The following IMMT variants were observed in gnomAD, a reference collection of about 807,000 sequenced individuals.
IMMT encodes the protein MICOS complex subunit MIC60.
Under a neutral mutation model 92.7 loss-of-function variants are expected in IMMT, and 40 were observed. The ratio of observed to expected loss-of-function variants is 0.43; its 90% CI spans 0.34 to 0.56. The LOEUF is 0.56. Among genes scored for constraint, IMMT ranks in the 20% least tolerant of loss-of-function variants. The pLI is 0.03. For synonymous variants in IMMT, 322 were observed against 336.1 expected, an observed-to-expected ratio of 0.96 and a Z score of 0.46; for missense variants, 831 against 912.1, an observed-to-expected ratio of 0.91 and a Z score of 1.14.
chr2:86,167,198 G>GTC (rs1201941944), intron 6 of IMMT, among the ~76,000 whole-genome samples: 2 of 132,432 alleles, frequency 1.5e-5, no homozygotes, highest in African/African-American at 5.7e-5. Context: ...TTGAGACAGA[G>GTC]TCTCGCTCTG....
chr2:86,192,270 T>C (rs1673182437), intron 1 of IMMT, among the ~76,000 whole-genome samples: 1 of 152,110 alleles, frequency 6.6e-6, no homozygotes, highest in African/African-American at 2.4e-5. Flanking sequence ...TCTGTTTCTC[T>C]GGAGAATCTG....
intron 12 of IMMT, 121 bp downstream of exon 12, chr2:86,151,176 C>G (rs1675445498): frequency 4.7e-6 from 4 of 856,496 alleles, no homozygotes; most frequent in Non-Finnish European, 3.7e-6. Flanking sequence ...CCTTGGCCTC[C>G]CAAAGTGCCG....
At chr2:86,162,713 G>A (rs1445990155) in intron 7 of IMMT, among the ~76,000 whole-genome samples, 2 of 152,014 alleles carry the variant, frequency 1.3e-5, no homozygotes, top group Non-Finnish European at 1.5e-5. Context: ...GCGTGGTGGC[G>A]GGTGCCTGTA....
intron 3 of IMMT, among the ~76,000 whole-genome samples, chr2:86,178,034 G>A (rs934924931): frequency 8.5e-5 from 13 of 152,208 alleles, no homozygotes; most frequent in East Asian, 7.7e-4. Flanking sequence ...GGAAACTGGC[G>A]GCCAGGAGCG....
chr2:86,178,064 C>T (rs1376620990), intron 3 of IMMT, among the ~76,000 whole-genome samples: 2 of 152,056 alleles, frequency 1.3e-5, no homozygotes, highest in African/African-American at 2.4e-5. Flanking sequence ...GCCTGTAATC[C>T]CAGCACTTTG....
intron 6 of IMMT, among the ~76,000 whole-genome samples, chr2:86,169,637 AATT>A (rs1157981605): frequency 6.6e-6 from 1 of 152,182 alleles, no homozygotes; most frequent in Non-Finnish European, 1.5e-5. Flanking sequence ...CAGTACAAAA[AATT>A]ATGTTACATG....
At chr2:86,151,115 G>A (rs1311398861) in intron 12 of IMMT, among the ~76,000 whole-genome samples, 182 bp downstream of exon 12, 1 of 151,906 alleles carries the variant, frequency 6.6e-6, no homozygotes, top group African/African-American at 2.4e-5. Flanking sequence ...CGGGGGTTTC[G>A]CCATATTGGC....
chr2:86,152,884 T>C (rs531779272), intron 11 of IMMT, among the ~76,000 whole-genome samples: 2 of 152,322 alleles, frequency 1.3e-5, no homozygotes, highest in African/African-American at 4.8e-5. Context: ...CTCAATTTCT[T>C]AATAAATACA....
At chr2:86,153,895 C>T (rs1404105387) in intron 10 of IMMT, among the ~76,000 whole-genome samples, 1 of 152,106 alleles carries the variant, frequency 6.6e-6, no homozygotes, top group Non-Finnish European at 1.5e-5. Flanking sequence ...CAGAGCCTTC[C>T]TCTGTTGCCT....
rs148309442 is a variant in IMMT at position 86,186,651 on chromosome 2, C to T, written c.46-5279G>A. Among the ~76,000 whole-genome samples the T allele has an allele frequency of 8.7e-4, 132 of 152,266 alleles. 1 individual carries two copies. The East Asian group carries it at 8.7e-3, about 10-fold the overall frequency. On this transcript the variant is annotated intron_variant, in intron 1 of 14. Coordinates refer to ENST00000410111, the MANE Select transcript of IMMT (RefSeq NM_006839.3). ...GTCCCTGCTGAGGTGTCAGCTGCAG[C>T]CAGTATTTACTGCCACACATGAGAG...
At chr2:86,171,824 A>C (rs1677104616) in intron 4 of IMMT, among the ~76,000 whole-genome samples, 1 of 150,916 alleles carries the variant, frequency 6.6e-6, no homozygotes, top group Non-Finnish European at 1.5e-5. Context: ...CACAGTGATC[A>C]AGAACAGAAC....
intron 12 of IMMT, among the ~76,000 whole-genome samples, chr2:86,149,963 G>A (rs546655384): frequency 6.6e-6 from 1 of 152,232 alleles, no homozygotes; most frequent in East Asian, 1.9e-4. Flanking sequence ...GGTAGTAATG[G>A]AGTGGACAGA....
rs1198061712 is a variant in IMMT at position 86,181,362 on chromosome 2, C to T, written c.56G>A (p.Cys19Tyr). The change falls in exon 2 of 15, where the codon TGT (cysteine) becomes TAT (tyrosine). Residue 19 changes from cysteine (C) to tyrosine (Y), a missense_variant. Cys to Tyr is a radical substitution (Grantham distance 194). Coordinates refer to ENST00000410111, the MANE Select transcript of IMMT (RefSeq NM_006839.3). Reference protein sequence around the residue: ...GVTAAAQSCLCGKFVLRPLRP... With the variant: ...GVTAAAQSCLYGKFVLRPLRP... ...CAATGGACGGAGGACAAACTTCCCA[C>T]AGAGACAACTCTAAAGAAGGAAAAC... 1.2e-6 allele frequency: 2 copies of T among 1,613,352 alleles called. No homozygotes were observed. Among genetic ancestry groups the T allele is most frequent in the South Asian group, 2.2e-5 (2 of 91,020 alleles).
At chr2:86,170,223 T>C (rs1676985886) in intron 6 of IMMT, among the ~76,000 whole-genome samples, 1 of 152,214 alleles carries the variant, frequency 6.6e-6, no homozygotes, top group Non-Finnish European at 1.5e-5. Flanking sequence ...GAGACCAGTC[T>C]AGGCAACATA....
At chr2:86,152,501 C>T (rs1369064452) in intron 11 of IMMT, among the ~76,000 whole-genome samples, 1 of 149,436 alleles carries the variant, frequency 6.7e-6, no homozygotes, top group Non-Finnish European at 1.5e-5. Context: ...TAGCTGATGC[C>T]AATAATCCCA....
intron 1 of IMMT, among the ~76,000 whole-genome samples, chr2:86,194,285 T>G (rs28617344): frequency 0.043 from 6,507 of 152,296 alleles, 490 homozygotes; most frequent in African/African-American, 0.15. Context: ...GTGCCCAGAC[T>G]TCTATCCTAC....
chr2:86,166,415 T>G, intron 7 of IMMT, 93 bp downstream of exon 7: 1 of 1,105,376 alleles, frequency 9.0e-7, no homozygotes, highest in South Asian at 1.7e-5. Flanking sequence ...GAAAGCAGTC[T>G]GTTAAATATT....
rs1675462282 is a variant in IMMT, at chr2:86,151,427, G to A, written c.1271C>T (p.Ala424Val). Residue 424 changes from alanine to valine, a missense_variant, in exon 12 of 15, where the codon GCC becomes GTC. Transcript: ENST00000410111. ...TAACGTGATGTGCTGCTTTTCGGTG[G>A]CCTTCTGTTCTGCCAGCTCTCTGTT... ...QLNRELAEQKATEKQHITLAL... is the reference protein window; with the variant it reads ...QLNRELAEQKVTEKQHITLAL... 1 of 1,613,886 alleles carries A rather than the reference G, an allele frequency of 6.2e-7. No homozygotes were observed. The highest frequency in any genetic ancestry group is 8.5e-7 in the Non-Finnish European group (1 of 1,179,858).
intron 12 of IMMT, among the ~76,000 whole-genome samples, chr2:86,149,430 G>A (rs920175662): frequency 4.6e-5 from 7 of 152,182 alleles, no homozygotes; most frequent in African/African-American, 1.4e-4. Flanking sequence ...AAATGAAATG[G>A]GTAGTCCATG....
Sources: gnomAD v4.1 joint callset for allele counts (sites outside exome capture counted in the v4.1 genomes callset) on GRCh38, gnomAD v4.1.1 for gene constraint, MANE v1.5 for transcripts, NCBI Gene and HGNC (gene_info 2026-07-23, HGNC 2026-07-21) for gene names.